The following NRAP variants were observed in gnomAD, a reference collection of about 807,000 sequenced individuals.
The protein encoded by NRAP is nebulin-related-anchoring protein.
In NRAP, 189 loss-of-function variants were observed where a neutral mutation model predicts 225.9. The observed-to-expected ratio is 0.84, with a 90% CI of 0.74 to 0.94. The LOEUF is 0.94. Ranked by LOEUF, NRAP falls within the 40% of genes least tolerant of loss-of-function variation. NRAP has a pLI of 0.00. For missense variants in NRAP, 2,176 were observed against 2,168.7 expected (o/e 1.00, Z -0.07); for synonymous variants, 769 against 790.7 (o/e 0.97, Z 0.46).
At chr10:113,631,676 T>G in intron 17 of NRAP, 66 bp from the exon 18 acceptor site, 1 of 1,099,502 alleles carries the variant, frequency 9.1e-7, no homozygotes, top group South Asian at 1.3e-5. Flanking sequence ...GGGCTCTGGT[T>G]TTAACAAGTG....
At chr10:113,602,535 C>T (rs1309943294) in intron 35 of NRAP, among the ~76,000 whole-genome samples, 1 of 152,120 alleles carries the variant, frequency 6.6e-6, no homozygotes, top group Non-Finnish European at 1.5e-5. Flanking sequence ...ATGAAGGCAC[C>T]CTACTCTACA....
In NRAP at chr10:113,628,707, A is replaced by G. The variant is rs74831492; in HGVS notation, c.2145+210T>C. Reference sequence around the variant, plus strand: ...ATGTAACTGCTACTTAAAGTAAATCAGTAGGCTTCTTTAATGACACCATCT... The same window carrying G: ...ATGTAACTGCTACTTAAAGTAAATCGGTAGGCTTCTTTAATGACACCATCT... On this transcript the variant is annotated intron_variant, in intron 20 of 41. Transcript: ENST00000359988. Among the ~76,000 whole-genome samples the G allele has an allele frequency of 9.0e-3, 1,375 of 152,364 alleles. 26 individuals carry two copies. Among genetic ancestry groups the G allele is most frequent in the African/African-American group, 0.032 (1,310 of 41,580 alleles).
At chr10:113,651,981 C>A in intron 6 of NRAP, 74 bp from the exon 7 acceptor site, 1 of 909,862 alleles carries the variant, frequency 1.1e-6, no homozygotes, top group South Asian at 1.3e-5. Flanking sequence ...TGTGGCTCTC[C>A]TAAAGCTGCA....
chr10:113,652,490 A>G (rs1479453738), intron 6 of NRAP, among the ~76,000 whole-genome samples: 1 of 151,942 alleles, frequency 6.6e-6, no homozygotes. Context: ...TAAAAATACA[A>G]AAAAATTAGC....
intron 21 of NRAP, 86 bp downstream of exon 21, chr10:113,625,961 C>T (rs1295379691): frequency 4.8e-6 from 4 of 838,544 alleles, no homozygotes; most frequent in East Asian, 5.5e-5. Context: ...CTGGATTGTG[C>T]CTGGGCGGCA....
chr10:113,633,266 C>T, intron 15 of NRAP, 78 bp from the exon 16 acceptor site: 2 of 803,930 alleles, frequency 2.5e-6, no homozygotes, highest in Admixed American at 3.8e-5. Context: ...CTCTTTCCCC[C>T]TTAGACCCAT....
Position 113,662,635 on chromosome 10 carries a change from T to C in NRAP, c.255+44A>G, listed in dbSNP as rs758776005. ...TTGCATGTTTCTACCCAGTAACCAA[T>C]CATTCTCCATACCCTCCATCCCACT... On this transcript the variant is annotated intron_variant, in intron 3 of 41. Transcript: ENST00000359988. 7.8e-6 allele frequency: 8 copies of C among 1,023,652 alleles called. No individual in the cohort carries two copies. In the East Asian group the frequency reaches 1.9e-4, roughly 24 times the overall value. 63.4% of individuals were successfully genotyped at this position (1,023,652 alleles called of 1,614,324 possible). A position where few individuals can be genotyped will look rare whatever the true frequency, so the allele number is the denominator to read the frequency against.
intron 23 of NRAP, 49 bp from the exon 24 acceptor site, chr10:113,622,229 T>C: frequency 7.6e-7 from 1 of 1,312,622 alleles, no homozygotes; most frequent in Middle Eastern, 1.9e-4. Flanking sequence ...CCTAAAGGAA[T>C]TGTTAGGCTT....
intron 37 of NRAP, 63 bp downstream of exon 37, chr10:113,597,023 C>CG: frequency 9.1e-7 from 1 of 1,104,896 alleles, no homozygotes; most frequent in East Asian, 2.4e-5. Flanking sequence ...TGTTCTTAGA[C>CG]CCGGACCACT....
chr10:113,605,901 A>G (rs1469072899), intron 33 of NRAP, 32 bp from the exon 34 acceptor site: 1 of 1,492,454 alleles, frequency 6.7e-7, no homozygotes, highest in African/African-American at 1.4e-5. Context: ...ATCTTTTTTA[A>G]AAAATTACAT....
At chr10:113,619,021 TG>T (rs946792116) in intron 25 of NRAP, among the ~76,000 whole-genome samples, 2 of 152,090 alleles carry the variant, frequency 1.3e-5, no homozygotes, top group Non-Finnish European at 1.5e-5. Context: ...TAAAATGAGA[TG>T]GGGGGGAAAG....
In NRAP at chr10:113,613,990, C is replaced by T. The variant is rs140980861; in HGVS notation, c.3300+193G>A. On this transcript the variant is annotated intron_variant, in intron 29 of 41. Transcript: ENST00000359988. ...GCCCAGAAGGGAACTAAGGGGTCAA[C>T]CAGTCCGGCACCTCATTTTTACAGA... Among the ~76,000 whole-genome samples, 676 of 152,240 alleles carry T rather than the reference C, an allele frequency of 4.4e-3. 2 individuals are homozygous for T. The highest frequency in any genetic ancestry group is 7.3e-3 in the Non-Finnish European group (494 of 68,020).
chr10:113,653,981 T>C, intron 5 of NRAP, 40 bp downstream of exon 5: 1 of 1,205,244 alleles, frequency 8.3e-7, no homozygotes, highest in Non-Finnish European at 1.2e-6. Context: ...TGCTAAGTAA[T>C]TGCTAAACCA....
chr10:113,629,227 C>T (rs1848445009), intron 19 of NRAP, among the ~76,000 whole-genome samples: 1 of 152,202 alleles, frequency 6.6e-6, no homozygotes. Context: ...TACCTTACTG[C>T]TGAGACACCG....
intron 2 of NRAP, 108 bp from the exon 3 acceptor site, chr10:113,662,874 A>G (rs1850771769): frequency 1.9e-6 from 1 of 540,198 alleles, no homozygotes; most frequent in Non-Finnish European, 3.1e-6. Context: ...TTAAAAAATC[A>G]ATAAATGTAA....
Position 113,634,093 on chromosome 10 carries a change from G to C in NRAP, c.1527+19C>G. ...ATTTCAAGACCCCTACATCCAGCTG[G>C]GCAGGGACAGTTACTTACATGACTC... On this transcript the variant is annotated intron_variant, in intron 15 of 41. Coordinates refer to ENST00000359988, the MANE Select transcript of NRAP (RefSeq NM_198060.4). 1 of 1,556,400 alleles carries C rather than the reference G, an allele frequency of 6.4e-7. No individual in the cohort carries two copies. The highest frequency in any genetic ancestry group is 8.9e-7 in the Non-Finnish European group (1 of 1,127,570).
chr10:113,596,358 T>C (rs1846285674), intron 37 of NRAP, among the ~76,000 whole-genome samples: 1 of 152,220 alleles, frequency 6.6e-6, no homozygotes, highest in Non-Finnish European at 1.5e-5. Flanking sequence ...AACTGTAATA[T>C]TCCGATCAAT....
intron 25 of NRAP, 64 bp from the exon 26 acceptor site, chr10:113,617,617 G>A: frequency 3.2e-6 from 3 of 936,850 alleles, no homozygotes; most frequent in Non-Finnish European, 5.3e-6. Flanking sequence ...ATTTGAAAGA[G>A]AAAATCATAG....
rs146921008 is a variant in NRAP, at chr10:113,598,217, T to C, written c.4228-144A>G. On this transcript the variant is annotated intron_variant, in intron 35 of 41. Coordinates refer to ENST00000359988, the MANE Select transcript of NRAP (RefSeq NM_198060.4). ...ATCTTCACTGGGAGTACATTCTGCA[T>C]GTCGTCAAGTCAAACTGTTTGAATT... 1.5e-4 allele frequency: 98 copies of C among 668,964 alleles called. No individual in the cohort carries two copies. The African/African-American group carries it at 1.5e-3, about 10-fold the overall frequency. The allele number at this position is 668,964 out of a possible 1,614,324, so 41.4% of individuals were successfully genotyped here. A position where few individuals can be genotyped will look rare whatever the true frequency, so the allele number is the denominator to read the frequency against.
Sources: allele counts gnomAD v4.1 joint callset (sites outside exome capture counted in the v4.1 genomes callset), GRCh38; gene constraint gnomAD v4.1.1; transcripts MANE v1.5; gene names NCBI Gene and HGNC (gene_info 2026-07-23, HGNC 2026-07-21).